The following RP1 variants were observed in gnomAD, a reference collection of about 807,000 sequenced individuals.
The protein encoded by RP1 is RP1 axonemal microtubule associated, also known as oxygen-regulated protein 1.
A neutral mutation model predicts 14.8 loss-of-function variants in RP1; 16 were observed. The observed-to-expected ratio is 1.08, with a 90% CI of 0.73 to 1.65. RP1 has a LOEUF of 1.65. RP1 is among the 40% of genes most tolerant of loss of function. RP1 has a pLI of 0.00. For synonymous variants in RP1, 876 were observed against 883.6 expected, an observed-to-expected ratio of 0.99 and a Z score of 0.15; for missense variants, 2,631 against 2,535.0, an observed-to-expected ratio of 1.04 and a Z score of -0.81.
At chr8:54,840,543 A>G (rs1158114680) in intron 25 of RP1, among the ~76,000 whole-genome samples, 1 of 149,656 alleles carries the variant, frequency 6.7e-6, no homozygotes, top group African/African-American at 2.5e-5. Flanking sequence ...CTGTTATACA[A>G]CTCTTGTATT....
chr8:54,735,992 T>C (rs1178314847), intron 18 of RP1, among the ~76,000 whole-genome samples: 1 of 152,182 alleles, frequency 6.6e-6, no homozygotes, highest in Non-Finnish European at 1.5e-5. Flanking sequence ...TACTGATGCC[T>C]GATTCCACCT....
intron 24 of RP1, among the ~76,000 whole-genome samples, chr8:54,798,250 G>A (rs563348369): frequency 6.6e-6 from 1 of 152,228 alleles, no homozygotes; most frequent in South Asian, 2.1e-4. Flanking sequence ...GAGCTCAGGC[G>A]ATCTGCCTGC....
intron 1 of RP1, among the ~76,000 whole-genome samples, chr8:54,597,362 T>A (rs936795659): frequency 2.6e-5 from 4 of 152,170 alleles, no homozygotes; most frequent in Non-Finnish European, 5.9e-5. Context: ...ATATAAGTAA[T>A]CAAGACATTT....
chr8:54,797,808 T>C (rs1160416521), intron 24 of RP1, among the ~76,000 whole-genome samples: 1 of 151,924 alleles, frequency 6.6e-6, no homozygotes, highest in Non-Finnish European at 1.5e-5. Flanking sequence ...TGTGTTGCCA[T>C]TTTTATTAGG....
intron 1 of RP1, among the ~76,000 whole-genome samples, chr8:54,593,791 G>A (rs1805087863): frequency 6.6e-6 from 1 of 152,208 alleles, no homozygotes; most frequent in Non-Finnish European, 1.5e-5. Flanking sequence ...CACAGGGTCT[G>A]ACTGGGCTGA....
intron 25 of RP1, among the ~76,000 whole-genome samples, chr8:54,844,741 A>T (rs776921475): frequency 6.6e-6 from 1 of 152,216 alleles, no homozygotes; most frequent in Non-Finnish European, 1.5e-5. Context: ...AACATTAGGG[A>T]TACAGCTGGA....
In RP1 at chr8:54,625,499, G is replaced by C; in HGVS notation, c.1617G>C (p.Leu539=). The C allele has an allele frequency of 1.2e-6, 2 of 1,613,956 alleles. No individual in the cohort carries two copies. The highest frequency in any genetic ancestry group is 1.7e-6 in the Non-Finnish European group (2 of 1,180,008). The change falls in exon 4 of 4, where the codon CTG becomes CTC. Residue 539 remains leucine, a synonymous_variant. Transcript: ENST00000220676. The stretch of plus-strand genomic sequence containing the variant: ...TAGAAAGAAAAAAGGAAAACAGTCT[G>C]CTTAAGTCAAGTGCAATAAGTGCTG... ...SSLERKKENS[L]LKSSAISAGV...
intron 6 of RP1, among the ~76,000 whole-genome samples, chr8:54,659,721 A>T (rs1430024621): frequency 6.6e-6 from 1 of 152,200 alleles, no homozygotes; most frequent in Non-Finnish European, 1.5e-5. Context: ...TTGGCAATCT[A>T]CATGAATTTT....
At chr8:54,638,446 A>C (rs1806393448) in intron 3 of RP1, among the ~76,000 whole-genome samples, 1 of 152,102 alleles carries the variant, frequency 6.6e-6, no homozygotes, top group South Asian at 2.1e-4. Context: ...TCAAAAAAAA[A>C]AAAAAAACAT....
At chr8:54,682,753 G>A (rs1235149827) in intron 12 of RP1, among the ~76,000 whole-genome samples, 1 of 151,910 alleles carries the variant, frequency 6.6e-6, no homozygotes, top group Non-Finnish European at 1.5e-5. Context: ...TAGGCTTTCT[G>A]TTCACGCTGA....
At chr8:54,741,655 C>T (rs1243445323) in intron 19 of RP1, among the ~76,000 whole-genome samples, 1 of 134,262 alleles carries the variant, frequency 7.4e-6, no homozygotes, top group African/African-American at 2.8e-5. Context: ...TATATAAAAA[C>T]ATATGTATAA....
intron 3 of RP1, among the ~76,000 whole-genome samples, chr8:54,624,443 C>CAAAA (rs11332494): frequency 1.8e-4 from 10 of 56,590 alleles, no homozygotes; most frequent in Admixed American, 2.6e-4. Flanking sequence ...GACTCTGTCT[C>CAAAA]AAAAAAAAAA....
At chr8:54,734,573 G>C (rs1808871018) in exon 18 of RP1, 2 of 1,535,362 alleles carry the variant, frequency 1.3e-6, no homozygotes, top group Admixed American at 3.9e-5. Context: ...AAAGTAGTGA[G>C]ACTCTTCTGT....
At chr8:54,696,028 A>T (rs1807851423) in intron 12 of RP1, among the ~76,000 whole-genome samples, 1 of 152,168 alleles carries the variant, frequency 6.6e-6, no homozygotes, top group African/African-American at 2.4e-5. Flanking sequence ...AAATCATATA[A>T]ATATATAGTA....
intron 24 of RP1, among the ~76,000 whole-genome samples, chr8:54,800,195 G>T (rs561622470): frequency 1.3e-5 from 2 of 152,042 alleles, no homozygotes; most frequent in Non-Finnish European, 2.9e-5. Context: ...ATTCCAAAAA[G>T]AGTGCTGATG....
At chr8:54,773,722 T>C (rs1333307754), downstream of RP1, among the ~76,000 whole-genome samples, 1 of 152,166 alleles carries the variant, frequency 6.6e-6, no homozygotes, top group Non-Finnish European at 1.5e-5. Context: ...AAGCAGTTAG[T>C]AAATGAAAGA....
intron 25 of RP1, among the ~76,000 whole-genome samples, chr8:54,848,965 T>G (rs1294454422): frequency 2.0e-5 from 3 of 152,160 alleles, no homozygotes; most frequent in East Asian, 1.9e-4. Context: ...GCCAGGCTGG[T>G]CTTGAACGCC....
chr8:54,822,584 C>T (rs1290466204), intron 24 of RP1, among the ~76,000 whole-genome samples: 1 of 152,114 alleles, frequency 6.6e-6, no homozygotes, highest in African/African-American at 2.4e-5. Context: ...GAGTATTTTA[C>T]TTCTCATTTT....
chr8:54,637,659 CT>C (rs1806378488), intron 3 of RP1, among the ~76,000 whole-genome samples: 2 of 151,906 alleles, frequency 1.3e-5, no homozygotes, highest in Admixed American at 1.3e-4. Flanking sequence ...GACATTTCAC[CT>C]TCAGCCTCCC....
Sources: gnomAD v4.1 joint callset for allele counts (sites outside exome capture counted in the v4.1 genomes callset) on GRCh38, gnomAD v4.1.1 for gene constraint, MANE v1.5 for transcripts, NCBI Gene and HGNC (gene_info 2026-07-23, HGNC 2026-07-21) for gene names.